The following B4GALNT2 variants were observed in gnomAD, a reference collection of about 807,000 sequenced individuals.
B4GALNT2 encodes the protein N-acetylneuraminylgalactosylglucosyl-glucoside beta-1,4-N- acetylgalactosaminyltransferase 2.
A neutral mutation model predicts 51.1 loss-of-function variants in B4GALNT2; 42 were observed. That is an observed-to-expected ratio of 0.82 (90% CI 0.64 to 1.06). The LOEUF is 1.06. Ranked by LOEUF, B4GALNT2 falls within the 50% of genes least tolerant of loss-of-function variation. The pLI is 0.00. For missense variants in B4GALNT2, 602 were observed against 633.6 expected (o/e 0.95, Z 0.54); for synonymous variants, 253 against 251.7 (o/e 1.01, Z -0.05).
intron 3 of B4GALNT2, 56 bp from the exon 4 acceptor site, chr17:49,152,744 C>G (rs1408492983): frequency 1.5e-6 from 2 of 1,297,768 alleles, no homozygotes; most frequent in Non-Finnish European, 2.1e-6. Context: ...ACTTTGAGAA[C>G]GAACCAGGGA....
At chr17:49,145,403 A>T (rs1017756396) in intron 3 of B4GALNT2, among the ~76,000 whole-genome samples, 4 of 152,224 alleles carry the variant, frequency 2.6e-5, no homozygotes, top group African/African-American at 9.6e-5. Context: ...AAAAGGAAAT[A>T]AAATGAAGAT....
At chr17:49,146,435 C>T (rs2042695470) in intron 3 of B4GALNT2, among the ~76,000 whole-genome samples, 1 of 152,122 alleles carries the variant, frequency 6.6e-6, no homozygotes, top group South Asian at 2.1e-4. Context: ...CTTAGCCACC[C>T]GAGTAGTTGG....
rs937933218 is a variant in B4GALNT2, at chr17:49,172,855, T to C, written c.*3127T>C. The C allele has an allele frequency of 6.6e-6, 1 of 152,166 alleles. No homozygotes were observed. Among genetic ancestry groups the C allele is most frequent in the Non-Finnish European group, 1.5e-5 (1 of 68,030 alleles). The allele number at this position is 152,166 out of a possible 1,614,324, so 9.4% of individuals were successfully genotyped here. On this transcript the variant is annotated 3_prime_UTR_variant, in exon 11 of 11. Coordinates refer to ENST00000393354, the MANE Select transcript of B4GALNT2 (RefSeq NM_001159387.2). ...TGTCCACACATACATGTACATAAGC[T>C]AGTCTCCCAAACGAGGGAACATGTG...
chr17:49,132,848 C>A, intron 1 of B4GALNT2, 42 bp downstream of exon 1: 1 of 1,371,200 alleles, frequency 7.3e-7, no homozygotes, highest in South Asian at 1.8e-5. Context: ...GGTGAAACTT[C>A]GGGAGCAGGG....
Position 49,168,804 on chromosome 17 carries a change from G to A in B4GALNT2, c.1219G>A (p.Val407Met), listed in dbSNP as rs150986602. 2.4e-5 allele frequency: 39 copies of A among 1,613,986 alleles called. No homozygotes were observed. The East Asian group carries it at 3.8e-4, about 16-fold the overall frequency. ...FQPLDGFPSC[V>M]VTSGVVNFFL... ...ACCCCTGGATGGCTTCCCCAGCTGC[G>A]TGGTGACCAGTGGCGTGGTCAACTT... The change falls in exon 10 of 11, where the codon GTG becomes ATG. Residue 407 changes from valine to methionine, a missense_variant. Coordinates refer to ENST00000393354, the MANE Select transcript of B4GALNT2 (RefSeq NM_001159387.2).
At chr17:49,168,631 G>A (rs760156759) in intron 9 of B4GALNT2, 50 bp from the exon 10 acceptor site, 1 of 1,547,420 alleles carries the variant, frequency 6.5e-7, no homozygotes, top group East Asian at 2.3e-5. Flanking sequence ...GAAGAGGCAG[G>A]ATGAATATTG....
chr17:49,157,513 G>C (rs947390764), intron 5 of B4GALNT2, among the ~76,000 whole-genome samples: 2 of 152,072 alleles, frequency 1.3e-5, no homozygotes, highest in East Asian at 3.9e-4. Context: ...GTAGAGACAG[G>C]GTTTCACCAT....
In B4GALNT2 at chr17:49,168,764, G is replaced by A; in HGVS notation, c.1179G>A (p.Arg393=). The change falls in exon 10 of 11, where the codon AGG becomes AGA. Residue 393 remains arginine, a synonymous_variant. Coordinates refer to ENST00000393354, the MANE Select transcript of B4GALNT2 (RefSeq NM_001159387.2). ...QSENGACLHK[R]MGFFQPLDGF... ...AGAATGGGGCCTGCCTTCACAAGAG[G>A]ATGGGATTTTTCCAACCCCTGGATG... 1 of 1,614,074 alleles carries A rather than the reference G, an allele frequency of 6.2e-7. No homozygotes were observed. Among genetic ancestry groups the A allele is most frequent in the East Asian group, 2.2e-5 (1 of 44,886 alleles).
At position 49,156,626 on chromosome 17, in the gene B4GALNT2, C is replaced by T. The variant is rs148865659; in HGVS notation, c.498+23C>T. 5 of 1,612,464 alleles carry T rather than the reference C, an allele frequency of 3.1e-6. No homozygotes were observed. The South Asian group carries it at 3.3e-5, about 11-fold the overall frequency. On this transcript the variant is annotated intron_variant, in intron 5 of 10. Coordinates refer to ENST00000393354, the MANE Select transcript of B4GALNT2 (RefSeq NM_001159387.2). The stretch of plus-strand genomic sequence containing the variant: ...GAGGTGAGTCCTTCTCCCAGCCCCT[C>T]TTTGCACTTGGTGTCCTGTCCTCAT...
intron 1 of B4GALNT2, among the ~76,000 whole-genome samples, chr17:49,138,298 G>A (rs774813768): frequency 1.3e-5 from 2 of 152,148 alleles, no homozygotes; most frequent in Non-Finnish European, 2.9e-5. Flanking sequence ...TTTGCTAAGC[G>A]CCCAAGAGAT....
intron 3 of B4GALNT2, among the ~76,000 whole-genome samples, chr17:49,151,785 A>G (rs1030344159): frequency 6.6e-6 from 1 of 151,988 alleles, no homozygotes; most frequent in African/African-American, 2.4e-5. Context: ...CAAAAAAACC[A>G]TAAAAATAGT....
chr17:49,162,912 C>CAAA (rs34568226), intron 7 of B4GALNT2, among the ~76,000 whole-genome samples: 25,569 of 53,658 alleles, frequency 0.48, 7,428 homozygotes, highest in East Asian at 0.8. Context: ...GAAACTGTCT[C>CAAA]AAAAAAAAAA....
Position 49,171,516 on chromosome 17 carries a change from A to G in B4GALNT2, c.*1788A>G. 1 of 404,860 alleles carries G rather than the reference A, an allele frequency of 2.5e-6. No homozygotes were observed. Among genetic ancestry groups the G allele is most frequent in the South Asian group, 1.8e-5 (1 of 54,498 alleles). 25.1% of individuals were successfully genotyped at this position (404,860 alleles called of 1,614,324 possible). A position where few individuals can be genotyped will look rare whatever the true frequency, so the allele number is the denominator to read the frequency against. ...CCAAATTTTGATCTTATTAACAGAC[A>G]TTAATAGTTTCCACAAATCCTTATG... On this transcript the variant is annotated 3_prime_UTR_variant, in exon 11 of 11. Coordinates refer to ENST00000393354, the MANE Select transcript of B4GALNT2 (RefSeq NM_001159387.2).
intron 7 of B4GALNT2, among the ~76,000 whole-genome samples, chr17:49,161,709 T>C (rs1449845659): frequency 6.6e-6 from 1 of 151,798 alleles, no homozygotes; most frequent in Non-Finnish European, 1.5e-5. Flanking sequence ...AATTTTTAAT[T>C]AGCTGGGTAT....
chr17:49,155,555 T>C (rs922055026), intron 4 of B4GALNT2, among the ~76,000 whole-genome samples: 5 of 150,042 alleles, frequency 3.3e-5, no homozygotes, highest in Non-Finnish European at 7.4e-5. Flanking sequence ...AGAGTTGAGA[T>C]TGCGCCACTG....
At chr17:49,164,026 C>A in intron 7 of B4GALNT2, 62 bp from the exon 8 acceptor site, 1 of 1,487,540 alleles carries the variant, frequency 6.7e-7, no homozygotes, top group Non-Finnish European at 9.2e-7. Context: ...CAGATCAAAG[C>A]AGGAAAAGAC....
intron 3 of B4GALNT2, among the ~76,000 whole-genome samples, chr17:49,147,105 T>C (rs1000114625): frequency 6.6e-6 from 1 of 152,172 alleles, no homozygotes; most frequent in African/African-American, 2.4e-5. Flanking sequence ...GCATGACTGA[T>C]GTGGAAGGAA....
rs767006868 is a variant in B4GALNT2, at chr17:49,168,690, AG to A, written c.1106del (p.Ser369MetfsTer40). 6.2e-7 allele frequency: 1 copy of A among 1,613,586 alleles called. No homozygotes were observed. The highest frequency in any genetic ancestry group is 8.5e-7 in the Non-Finnish European group (1 of 1,179,874). ...TCTGCCTGCTGGCTAGGTAGGCGGC[AG>A]TGTGCTGGGAAATGTGTTCCAGTTT... ...EKTELDVVGGSVLGNVFQFKL... is the reference protein window; with the variant it reads ...EKTELDVVGGXVLGNVFQFKL... On this transcript the variant is annotated frameshift_variant, in exon 10 of 11. Transcript: ENST00000393354. LOFTEE classifies it high-confidence loss of function.
chr17:49,141,174 TTATCAGTCTCA>T (rs1324438940), intron 1 of B4GALNT2, 62 bp from the exon 2 acceptor site: 1 of 1,407,474 alleles, frequency 7.1e-7, no homozygotes, highest in African/African-American at 1.4e-5. Context: ...TTTCCTGAAA[TTATCAGTCTCA>T]TATACATTAC....
Sources: gnomAD v4.1 joint callset for allele counts (sites outside exome capture counted in the v4.1 genomes callset) on GRCh38, gnomAD v4.1.1 for gene constraint, MANE v1.5 for transcripts, NCBI Gene and HGNC (gene_info 2026-07-23, HGNC 2026-07-21) for gene names.